LRRTM1: variants seen among roughly 807,000 people sequenced by gnomAD.
The protein encoded by LRRTM1 is leucine rich repeat transmembrane neuronal 1.
In LRRTM1, 8 loss-of-function variants were observed where a neutral mutation model predicts 37.3. The ratio of observed to expected loss-of-function variants is 0.21; its 90% CI spans 0.13 to 0.39. The LOEUF (loss-of-function observed/expected upper bound fraction) is 0.39. Among genes scored for constraint, LRRTM1 ranks in the 10% least tolerant of loss-of-function variants. LRRTM1 has a pLI of 1.00. For synonymous variants in LRRTM1, 326 were observed against 316.8 expected, an observed-to-expected ratio of 1.03 and a Z score of -0.31; for missense variants, 557 against 691.0, an observed-to-expected ratio of 0.81 and a Z score of 2.17.
intron 1 of LRRTM1, 49 bp downstream of exon 1, chr2:80,304,103 A>G (rs986015497): frequency 2.6e-5 from 8 of 308,400 alleles, no homozygotes; most frequent in East Asian, 5.2e-5. Flanking sequence ...AAAAGGGAGG[A>G]AAAAAAAAAT....
downstream of LRRTM1, chr2:80,299,487 G>C (rs1342383608): frequency 6.6e-6 from 1 of 151,952 alleles, no homozygotes; most frequent in Non-Finnish European, 1.5e-5. Flanking sequence ...GAAACATACA[G>C]ACACACACAC....
chr2:80,296,401 G>T lies in LRRTM1; in HGVS notation c.*306+5544C>A, dbSNP rs554498606. Among the ~76,000 whole-genome samples, 13 of 152,086 alleles carry T rather than the reference G, an allele frequency of 8.5e-5. No individual in the cohort carries two copies. The East Asian group carries it at 2.1e-3, about 25-fold the overall frequency. On this transcript the variant is annotated intron_variant and NMD_transcript_variant, in intron 2 of 2. Coordinates refer to the LRRTM1 transcript ENST00000417012. ...TTTTTTTTCCTGTTTCCTAAATGAGGTATTGCTAAAGAAAAAGTGGGTCAA... is the reference window on the plus strand; with the variant it reads ...TTTTTTTTCCTGTTTCCTAAATGAGTTATTGCTAAAGAAAAAGTGGGTCAA...
At chr2:80,297,750 G>T (rs552751367), downstream of LRRTM1, among the ~76,000 whole-genome samples, 1 of 152,222 alleles carries the variant, frequency 6.6e-6, no homozygotes, top group Admixed American at 6.5e-5. Flanking sequence ...GTTACACTCT[G>T]CTGTGGCATA....
At chr2:80,292,266 T>C (rs951838738) in intron 2 of LRRTM1, among the ~76,000 whole-genome samples, 1 of 152,234 alleles carries the variant, frequency 6.6e-6, no homozygotes, top group Admixed American at 6.5e-5. Flanking sequence ...GGCTTAATTC[T>C]TATAACAACC....
downstream of LRRTM1, among the ~76,000 whole-genome samples, chr2:80,300,893 T>G (rs941444014): frequency 6.6e-6 from 1 of 150,460 alleles, no homozygotes; most frequent in Non-Finnish European, 1.5e-5. Context: ...GAAATCTCAA[T>G]GATGGACCTG....
chr2:80,302,985 C>A lies in LRRTM1; in HGVS notation c.835G>T (p.Val279Leu). The A allele has an allele frequency of 6.2e-7, 1 of 1,613,342 alleles. No individual in the cohort carries two copies. The highest frequency in any genetic ancestry group is 8.5e-7 in the Non-Finnish European group (1 of 1,179,934). ...EYMEPHVFET[V>L]PHLQSLQLDS... ...AGCTGCAGGGACTGCAGGTGCGGCA[C>A]GGTCTCGAACACATGGGGCTCCATG... The change falls in exon 2 of 2, where the codon GTG becomes TTG. Residue 279 changes from valine to leucine, a missense_variant. By Grantham distance (32) the Val-to-Leu change is conservative. Coordinates refer to ENST00000295057, the MANE Select transcript of LRRTM1 (RefSeq NM_178839.5). This position sits in a 1 kb window ranked among gnomAD's most constrained non-coding sequence, Gnocchi z 6.4.
At chr2:80,298,936 C>T (rs1675998257), downstream of LRRTM1, 5 of 152,160 alleles carry the variant, frequency 3.3e-5, no homozygotes, top group Admixed American at 3.3e-4. Context: ...CCTGCTTCCT[C>T]TGGTCCAACC....
Position 80,303,542 on chromosome 2 carries a change from C to G in LRRTM1, c.278G>C (p.Trp93Ser). The G allele has an allele frequency of 6.2e-7, 1 of 1,614,240 alleles. No individual in the cohort carries two copies. Among genetic ancestry groups the G allele is most frequent in the Non-Finnish European group, 8.5e-7 (1 of 1,180,050 alleles). The part of the protein sequence containing the change: ...GQFTGLMQLT[W>S]LYLDHNHICS... ...GATGTGATTGTGATCCAGATAGAGC[C>G]ACGTGAGCTGCATTAACCCCGTGAA... is the stretch of plus-strand genomic sequence containing the variant. Residue 93 changes from tryptophan (W) to serine (S), a missense_variant, in exon 2 of 2, where the codon TGG (tryptophan) becomes TCG (serine). Physicochemically the swap from Trp to Ser is radical, Grantham distance 177. Around this residue, in one of 5 missense-constraint regions of LRRTM1, gnomAD observed 140 missense variants for 138.1 expected, o/e 1.01. Coordinates refer to ENST00000295057, the MANE Select transcript of LRRTM1 (RefSeq NM_178839.5). The surrounding 1 kb of genome is among the most constrained non-coding windows in gnomAD (Gnocchi z 7.7).
At chr2:80,294,593 G>C (rs1675573915) in intron 2 of LRRTM1, among the ~76,000 whole-genome samples, 1 of 152,032 alleles carries the variant, frequency 6.6e-6, no homozygotes, top group African/African-American at 2.4e-5. Context: ...CTAGCTCAGT[G>C]CTTCTCAGCC....
At chr2:80,292,687 T>C (rs545543204) in intron 2 of LRRTM1, among the ~76,000 whole-genome samples, 1 of 152,352 alleles carries the variant, frequency 6.6e-6, no homozygotes, top group East Asian at 1.9e-4. Context: ...CTCTTGAGAA[T>C]GCCTCACCTT....
At chr2:80,298,728 GA>G (rs1360048731), downstream of LRRTM1, 1 of 152,224 alleles carries the variant, frequency 6.6e-6, no homozygotes, top group East Asian at 1.9e-4. Flanking sequence ...GATGAGTTCA[GA>G]AGAATATTTT....
intron 2 of LRRTM1, among the ~76,000 whole-genome samples, chr2:80,294,139 A>C (rs1450912418): frequency 2.0e-5 from 3 of 152,166 alleles, no homozygotes; most frequent in Non-Finnish European, 1.5e-5. Flanking sequence ...TTTAGAAGAG[A>C]CATTTCTCAG....
chr2:80,302,482 G>A lies in LRRTM1; in HGVS notation c.1338C>T (p.Leu446=), dbSNP rs770852349. 1.1e-5 allele frequency: 18 copies of A among 1,613,848 alleles called. No homozygotes were observed. The highest frequency in any genetic ancestry group is 1.7e-5 in the Admixed American group (1 of 60,016). ...CTGGGAAACACTTCCAGGACACGTA[G>A]AGCACCAGGACCACGATGAGGAAGG... ...IFSFLIVVLV[L]YVSWKCFPAS... is the part of the protein sequence containing the mutation. The change falls in exon 2 of 2, where the codon CTC becomes CTT. Residue 446 remains leucine, a synonymous_variant. Coordinates refer to ENST00000295057, the MANE Select transcript of LRRTM1 (RefSeq NM_178839.5). The surrounding 1 kb of genome is among the most constrained non-coding windows in gnomAD (Gnocchi z 6.4).
Position 80,302,733 on chromosome 2 carries a change from A to T in LRRTM1, c.1087T>A (p.Cys363Ser). 6.2e-7 allele frequency: 1 copy of T among 1,613,088 alleles called. No homozygotes were observed. Among genetic ancestry groups the T allele is most frequent in the Non-Finnish European group, 8.5e-7 (1 of 1,179,894 alleles). ...CTGGTGGGCTCGGCCCCATCCTCGC[A>T]CAGGTGGAAGGCGTACACGGCGTCC... ...VLDAVYAFHL[C>S]EDGAEPTSGH... Residue 363 changes from cysteine (C) to serine (S), a missense_variant, in exon 2 of 2, where the codon TGC (cysteine) becomes AGC (serine). Around this residue, in one of 5 missense-constraint regions of LRRTM1, gnomAD observed 89 missense variants for 80.7 expected, o/e 1.10. Transcript: ENST00000295057. The surrounding 1 kb of genome is among the most constrained non-coding windows in gnomAD (Gnocchi z 6.4).
Position 80,291,742 on chromosome 2 carries a change from A to T in LRRTM1, c.*307-2547T>A, listed in dbSNP as rs143673660. Among the ~76,000 whole-genome samples the T allele has an allele frequency of 3.2e-3, 481 of 152,322 alleles. 2 individuals are homozygous for T. The highest frequency in any genetic ancestry group is 0.011 in the African/African-American group (460 of 41,574). ...AGATAGCAAACAGCTCAGATGTGGA[A>T]ACAGTTTTTCCACATCACCAGAAGG... On this transcript the variant is annotated intron_variant and NMD_transcript_variant, in intron 2 of 2. Transcript: ENST00000417012.
chr2:80,289,843 A>T (rs1428604282), intron 2 of LRRTM1, among the ~76,000 whole-genome samples: 2 of 152,186 alleles, frequency 1.3e-5, no homozygotes, highest in Non-Finnish European at 2.9e-5. Context: ...TCAAAAGTGT[A>T]CTTGCCTCCC....
chr2:80,297,184 T>C (rs1675821650), downstream of LRRTM1, among the ~76,000 whole-genome samples: 2 of 152,180 alleles, frequency 1.3e-5, no homozygotes, highest in African/African-American at 4.8e-5. Flanking sequence ...TCAACAAGAA[T>C]GTGTTGAGCA....
chr2:80,289,728 T>C (rs1340287770), intron 2 of LRRTM1, among the ~76,000 whole-genome samples: 2 of 152,012 alleles, frequency 1.3e-5, no homozygotes, highest in Non-Finnish European at 1.5e-5. Flanking sequence ...GTTCACAGAG[T>C]CACACTAGTG....
At position 80,302,661 on chromosome 2, in the gene LRRTM1, G is replaced by T; in HGVS notation, c.1159C>A (p.Pro387Thr). Residue 387 changes from proline (P) to threonine (T), a missense_variant, in exon 2 of 2, where the codon CCT becomes ACT. Pro to Thr is a conservative substitution (Grantham distance 38). This residue lies in a region of LRRTM1 where 89 missense variants were observed against 80.7 expected (regional missense o/e 1.10). Transcript: ENST00000295057. This position sits in a 1 kb window ranked among gnomAD's most constrained non-coding sequence, Gnocchi z 6.4. ...AVTNRSDLGP[P>T]ASSATTLADG... ...GCGAGCGTGGTGGCCGAGCTGGCAG[G>T]GGGCCCCAGATCACTGCGGTTGGTG... 3 of 1,610,308 alleles carry T rather than the reference G, an allele frequency of 1.9e-6. No homozygotes were observed. The highest frequency in any genetic ancestry group is 2.5e-6 in the Non-Finnish European group (3 of 1,179,090).
Sources: gnomAD v4.1 joint callset for allele counts (sites outside exome capture counted in the v4.1 genomes callset) on GRCh38, gnomAD v4.1.1 for gene constraint, gnomAD v4.1.1 regional missense constraint, Gnocchi (gnomAD v3.1) non-coding constraint, MANE v1.5 for transcripts, NCBI Gene and HGNC (gene_info 2026-07-23, HGNC 2026-07-21) for gene names.